Variants in RAB40C observed in about 807,000 individuals in gnomAD.
RAB40C encodes RAB40C, member RAS oncogene family, also known as ras-related protein Rab-40C.
A neutral mutation model predicts 28.1 loss-of-function variants in RAB40C; 8 were observed. The ratio of observed to expected loss-of-function variants is 0.28; its 90% CI spans 0.17 to 0.51. The LOEUF (loss-of-function observed/expected upper bound fraction) is 0.51. RAB40C is among the 20% of genes least tolerant of loss of function. RAB40C has a pLI of 0.97. For missense variants in RAB40C, 288 were observed against 405.9 expected (o/e 0.71, Z 2.50); for synonymous variants, 201 against 171.7 (o/e 1.17, Z -1.34).
At position 590,127 on chromosome 16, in the gene RAB40C, C is replaced by A. The variant is rs1346613171; in HGVS notation, c.-165C>A. On this transcript the variant is annotated 5_prime_UTR_variant, in exon 1 of 6. Coordinates refer to ENST00000248139, the MANE Select transcript of RAB40C (RefSeq NM_021168.5). ...GGCGGCGGCGAGGCTGAGGTGCGCC[C>A]GGGCGCGGGCGGGGCGGGGCCGGCG... 2.5e-5 allele frequency: 6 copies of A among 236,802 alleles called. No individual in the cohort carries two copies. The South Asian group carries it at 7.0e-4, about 28-fold the overall frequency. 14.7% of individuals were successfully genotyped at this position (236,802 alleles called of 1,614,324 possible). A position where few individuals can be genotyped will look rare whatever the true frequency, so the allele number is the denominator to read the frequency against.
intron 1 of RAB40C, among the ~76,000 whole-genome samples, chr16:614,817 A>G (rs2036555304): frequency 6.6e-6 from 1 of 151,330 alleles, no homozygotes; most frequent in African/African-American, 2.4e-5. Context: ...TGAACTGCCA[A>G]ACTCTACCTC....
At chr16:626,616 G>C (rs1349385303) in intron 5 of RAB40C, among the ~76,000 whole-genome samples, 1 of 152,186 alleles carries the variant, frequency 6.6e-6, no homozygotes, top group African/African-American at 2.4e-5. Flanking sequence ...CAGAGAGAGG[G>C]TGGCTGACGG....
intron 3 of RAB40C, chr16:624,406 C>T (rs1319587365): frequency 3.5e-5 from 34 of 985,360 alleles, no homozygotes; most frequent in East Asian, 1.1e-4. Flanking sequence ...TCTCTGGCCT[C>T]GAAGGGTCTC....
chr16:627,584 C>G lies in RAB40C; in HGVS notation c.808C>G (p.Pro270Ala), dbSNP rs754026121. ...SKSIRPPQSP[P>A]QNCSRSNCKI... is the part of the protein sequence containing the mutation. ...GTCCATCCGTCCACCCCAGAGCCCC[C>G]CCCAGAACTGCTCGCGGAGTAACTG... Residue 270 changes from proline (P) to alanine (A), a missense_variant, in exon 6 of 6, where the codon CCC becomes GCC. This residue lies in a region of RAB40C where 57 missense variants were observed against 55.3 expected (regional missense o/e 1.03). Coordinates refer to ENST00000248139, the MANE Select transcript of RAB40C (RefSeq NM_021168.5). The G allele has an allele frequency of 4.4e-6, 7 of 1,604,880 alleles. No homozygotes were observed. The Admixed American group carries it at 5.1e-5, about 12-fold the overall frequency.
In RAB40C at chr16:609,172, C is replaced by T. The variant is rs117847554; in HGVS notation, c.143-8036C>T. ...TGAGAGAGGTTTGATGGTTTGGGAA[C>T]AGCGGTGCTGCCACGGCTGGGTGAG... On this transcript the variant is annotated intron_variant, in intron 1 of 5. Transcript: ENST00000248139. Among the ~76,000 whole-genome samples, 152 of 152,286 alleles carry T rather than the reference C, an allele frequency of 1.0e-3. 2 individuals are homozygous for T. The East Asian group carries it at 0.024, about 24-fold the overall frequency.
intron 1 of RAB40C, among the ~76,000 whole-genome samples, chr16:615,900 T>G (rs1199177053): frequency 6.6e-6 from 1 of 151,754 alleles, no homozygotes; most frequent in Non-Finnish European, 1.5e-5. Context: ...AGGTGGAGGT[T>G]GTAGTGACCC....
At chr16:626,810 C>T (rs1372009835) in intron 5 of RAB40C, among the ~76,000 whole-genome samples, 2 of 152,212 alleles carry the variant, frequency 1.3e-5, no homozygotes, top group African/African-American at 4.8e-5. Context: ...TGGTGACGCA[C>T]ACCTGTAGTC....
At chr16:619,251 A>C (rs1189444768) in intron 3 of RAB40C, among the ~76,000 whole-genome samples, 1 of 147,354 alleles carries the variant, frequency 6.8e-6, no homozygotes, top group South Asian at 2.2e-4. Flanking sequence ...CACTGGGGCC[A>C]TGTGTGCAGT....
rs2036889167 is a variant in RAB40C, at chr16:628,474, A to T, written c.*852A>T. 1 of 152,306 alleles carries T rather than the reference A, an allele frequency of 6.6e-6. No homozygotes were observed. Among genetic ancestry groups the T allele is most frequent in the Non-Finnish European group, 1.5e-5 (1 of 68,106 alleles). The allele number at this position is 152,306 out of a possible 1,614,324, so 9.4% of individuals were successfully genotyped here. A position where few individuals can be genotyped will look rare whatever the true frequency, so the allele number is the denominator to read the frequency against. On this transcript the variant is annotated 3_prime_UTR_variant, in exon 6 of 6. Transcript: ENST00000248139. ...CTGCGTGCAGCCTCCTGTTCTCGGC[A>T]GCTTCTGTCGCTGGCCCTGGGGTCC...
At chr16:605,352 C>T (rs1384345307) in intron 1 of RAB40C, among the ~76,000 whole-genome samples, 1 of 152,200 alleles carries the variant, frequency 6.6e-6, no homozygotes, top group Non-Finnish European at 1.5e-5. Context: ...TTTAATTAAT[C>T]AGCTTTATTG....
chr16:603,992 T>C (rs2151066066), intron 1 of RAB40C, among the ~76,000 whole-genome samples: 1 of 152,336 alleles, frequency 6.6e-6, no homozygotes, highest in Non-Finnish European at 1.5e-5. Context: ...TGATGCACAT[T>C]TGGGTTATTT....
chr16:602,837 C>G (rs1205825554), intron 1 of RAB40C, among the ~76,000 whole-genome samples: 1 of 152,248 alleles, frequency 6.6e-6, no homozygotes, highest in East Asian at 1.9e-4. Context: ...CCCAAAGTGT[C>G]GAGATGACAG....
At chr16:591,615 C>T (rs1414981251) in intron 1 of RAB40C, among the ~76,000 whole-genome samples, 10 of 146,860 alleles carry the variant, frequency 6.8e-5, no homozygotes, top group Admixed American at 5.5e-4. Context: ...TTTTTTGAGA[C>T]GGAGTCTCAC....
chr16:625,841 C>T (rs1384788893), intron 4 of RAB40C, 58 bp from the exon 5 acceptor site: 22 of 1,472,860 alleles, frequency 1.5e-5, no homozygotes, highest in Admixed American at 5.8e-5. Context: ...GGCCCTGCTG[C>T]GGCTGAGGGG....
chr16:589,472 C>T (rs1305782589), upstream of RAB40C: 53 of 152,270 alleles, frequency 3.5e-4, no homozygotes, highest in Admixed American at 3.4e-3. Flanking sequence ...GGCGCGCCTG[C>T]ATCCTGCCGC....
intron 1 of RAB40C, among the ~76,000 whole-genome samples, chr16:607,530 G>A (rs375373231): frequency 6.6e-5 from 10 of 150,948 alleles, no homozygotes; most frequent in South Asian, 4.2e-4. Flanking sequence ...GGGGCCGGGC[G>A]CGGTGGCTCA....
At position 617,242 on chromosome 16, in the gene RAB40C, C is replaced by T. The variant is rs773047822; in HGVS notation, c.177C>T (p.Asp59=). The T allele has an allele frequency of 2.1e-5, 34 of 1,613,992 alleles. No individual in the cohort carries two copies. Among genetic ancestry groups the T allele is most frequent in the East Asian group, 6.7e-5 (3 of 44,892 alleles). Residue 59 remains aspartate, a synonymous_variant, in exon 2 of 6, where the codon GAC becomes GAT. Coordinates refer to ENST00000248139, the MANE Select transcript of RAB40C (RefSeq NM_021168.5). ...ACAAGACCACCACCATCCTGCTGGA[C>T]GGCCGGCGCGTGAAGCTGGAGCTCT... is the stretch of plus-strand genomic sequence containing the variant. ...IDYKTTTILL[D]GRRVKLELWD...
At chr16:602,248 G>GT (rs71139793) in intron 1 of RAB40C, among the ~76,000 whole-genome samples, 32,512 of 138,924 alleles carry the variant, frequency 0.23, 4,428 homozygotes, top group East Asian at 0.61. Context: ...GGTCATCTCT[G>GT]TTTTTTTTTT....
At chr16:619,130 G>A (rs1159306609) in intron 3 of RAB40C, among the ~76,000 whole-genome samples, 1 of 149,134 alleles carries the variant, frequency 6.7e-6, no homozygotes, top group African/African-American at 2.5e-5. Flanking sequence ...GGGGCCATGT[G>A]TGCAGTGTGT....
Sources: allele counts gnomAD v4.1 joint callset (sites outside exome capture counted in the v4.1 genomes callset), GRCh38; gene constraint gnomAD v4.1.1; regional missense constraint gnomAD v4.1.1; transcripts MANE v1.5; gene names NCBI Gene and HGNC (gene_info 2026-07-23, HGNC 2026-07-21).